The following TMEM269 variants were observed in gnomAD, a reference collection of about 807,000 sequenced individuals.
TMEM269 encodes transmembrane protein 269.
A neutral mutation model predicts 15.8 loss-of-function variants in TMEM269; 12 were observed. The ratio of observed to expected loss-of-function variants is 0.76; its 90% CI spans 0.49 to 1.23. The LOEUF (loss-of-function observed/expected upper bound fraction) is 1.23, where lower values mean the gene tolerates loss of function less well. Ranked by LOEUF, TMEM269 falls within the 50% of genes most tolerant of loss-of-function variation. TMEM269 has a pLI of 0.00. For missense variants in TMEM269, 211 were observed against 245.4 expected (o/e 0.86, Z 0.94); for synonymous variants, 93 against 99.3 (o/e 0.94, Z 0.38).
chr1:42,792,865 G>C lies in TMEM269; in HGVS notation c.102G>C (p.Arg34Ser). The change falls in exon 3 of 6, where the codon AGG becomes AGC. Residue 34 changes from arginine (R) to serine (S), a missense_variant. Coordinates refer to ENST00000637012, the MANE Select transcript of TMEM269 (RefSeq NM_001354602.2). ...LVSFLLDMAV[R>S]AMTSHINICS... ...GCTTCCTGTTAGACATGGCAGTCAGGGCAATGACCAGCCACATCAACATAT... is the reference window on the plus strand; with the variant it reads ...GCTTCCTGTTAGACATGGCAGTCAGCGCAATGACCAGCCACATCAACATAT... The C allele has an allele frequency of 6.4e-7, 1 of 1,550,478 alleles. No individual in the cohort carries two copies. Among genetic ancestry groups the C allele is most frequent in the East Asian group, 2.4e-5 (1 of 40,910 alleles).
At chr1:42,794,752 G>T in intron 5 of TMEM269, 139 bp downstream of exon 5, 1 of 674,774 alleles carries the variant, frequency 1.5e-6, no homozygotes, top group Non-Finnish European at 2.5e-6. Context: ...ATATTTACTA[G>T]TTTTCTTATT....
chr1:42,791,357 A>T (rs980180476), intron 2 of TMEM269, among the ~76,000 whole-genome samples: 4 of 152,208 alleles, frequency 2.6e-5, no homozygotes, highest in Non-Finnish European at 2.9e-5. Flanking sequence ...AACAAATTTT[A>T]AAAAAGTATA....
At chr1:42,795,774 A>G (rs1653781813) in intron 5 of TMEM269, among the ~76,000 whole-genome samples, 2 of 152,216 alleles carry the variant, frequency 1.3e-5, no homozygotes, top group East Asian at 1.9e-4. Flanking sequence ...TGTAAACAAG[A>G]CAAACATCTA....
chr1:42,792,592 GGCATGTGTATGT>G (rs1477934903), intron 2 of TMEM269, among the ~76,000 whole-genome samples: 1 of 152,126 alleles, frequency 6.6e-6, no homozygotes, highest in South Asian at 2.1e-4. Flanking sequence ...GAGGGATGTA[GGCATGTGTATGT>G]GCATGTGTGG....
intron 5 of TMEM269, 81 bp from the exon 6 acceptor site, chr1:42,798,017 G>T: frequency 6.8e-7 from 1 of 1,474,892 alleles, no homozygotes. Context: ...GAATGGGAGG[G>T]TGGGGACGGG....
chr1:42,789,071 C>T (rs369609970), intron 1 of TMEM269, among the ~76,000 whole-genome samples: 1 of 151,872 alleles, frequency 6.6e-6, no homozygotes, highest in Non-Finnish European at 1.5e-5. Flanking sequence ...TACAGGCATG[C>T]ACCGCCACAC....
At position 42,798,590 on chromosome 1, in the gene TMEM269, C is replaced by T; in HGVS notation, c.*365C>T. 4.7e-6 allele frequency: 1 copy of T among 212,162 alleles called. No individual in the cohort carries two copies. The highest frequency in any genetic ancestry group is 9.6e-6 in the Non-Finnish European group (1 of 103,698). The allele number at this position is 212,162 out of a possible 1,614,324, so 13.1% of individuals were successfully genotyped here. On this transcript the variant is annotated 3_prime_UTR_variant, in exon 6 of 6. Transcript: ENST00000637012. Reference sequence around the variant, plus strand: ...GAGAGCCTTCAGAACTGGTATTGGCCTCAGCCTCAGCCCTGCCTGGTGGGG... The same window carrying T: ...GAGAGCCTTCAGAACTGGTATTGGCTTCAGCCTCAGCCCTGCCTGGTGGGG...
chr1:42,785,792 C>T (rs1210043708), intron 1 of TMEM269, among the ~76,000 whole-genome samples: 3 of 152,224 alleles, frequency 2.0e-5, no homozygotes, highest in African/African-American at 7.2e-5. Flanking sequence ...ATTCTTTGTT[C>T]ATCCTTAGAG....
chr1:42,786,724 C>T (rs1653548317), intron 1 of TMEM269, among the ~76,000 whole-genome samples: 1 of 152,228 alleles, frequency 6.6e-6, no homozygotes, highest in Non-Finnish European at 1.5e-5. Flanking sequence ...GGGTTAGGTA[C>T]TGTGGCTAAA....
intron 1 of TMEM269, among the ~76,000 whole-genome samples, chr1:42,786,075 G>C (rs995781802): frequency 5.3e-5 from 8 of 152,218 alleles, no homozygotes; most frequent in Non-Finnish European, 7.3e-5. Flanking sequence ...ATAAGAACTG[G>C]GTAGTTGCTG....
chr1:42,798,933 C>A lies in TMEM269; in HGVS notation c.*708C>A, dbSNP rs1210306121. On this transcript the variant is annotated 3_prime_UTR_variant, in exon 6 of 6. Coordinates refer to ENST00000637012, the MANE Select transcript of TMEM269 (RefSeq NM_001354602.2). ...TAATTTTTTGTATTTTTAGTAGAGACGGGGGTTTCACCGTGTTAGCCAGGA... is the reference window on the plus strand; with the variant it reads ...TAATTTTTTGTATTTTTAGTAGAGAAGGGGGTTTCACCGTGTTAGCCAGGA... 1 of 151,152 alleles carries A rather than the reference C, an allele frequency of 6.6e-6. No homozygotes were observed. Among genetic ancestry groups the A allele is most frequent in the Non-Finnish European group, 1.5e-5 (1 of 67,832 alleles). 9.4% of individuals were successfully genotyped at this position (151,152 alleles called of 1,614,324 possible).
chr1:42,794,667 T>G, intron 5 of TMEM269, 54 bp downstream of exon 5: 1 of 1,244,568 alleles, frequency 8.0e-7, no homozygotes, highest in Admixed American at 2.0e-5. Context: ...TTATTGCCAC[T>G]GTACCTCACC....
chr1:42,787,646 C>A (rs1405876044), intron 1 of TMEM269, among the ~76,000 whole-genome samples: 1 of 149,066 alleles, frequency 6.7e-6, no homozygotes, highest in Non-Finnish European at 1.5e-5. Flanking sequence ...GAACCCTTGC[C>A]TGACAGAGCT....
chr1:42,790,393 TCTC>T (rs542392910), intron 2 of TMEM269, among the ~76,000 whole-genome samples: 128 of 152,238 alleles, frequency 8.4e-4, no homozygotes, highest in Admixed American at 2.1e-3. Flanking sequence ...GCGGGTAACA[TCTC>T]CTAATCTACT....
intron 3 of TMEM269, among the ~76,000 whole-genome samples, chr1:42,793,287 C>T (rs566241599): frequency 6.6e-5 from 10 of 152,262 alleles, no homozygotes; most frequent in Admixed American, 1.3e-4. Flanking sequence ...TAAAATGCTT[C>T]CATGTAAGAT....
At chr1:42,792,728 A>C (rs1405316396) in intron 2 of TMEM269, 77 bp from the exon 3 acceptor site, 1 of 822,158 alleles carries the variant, frequency 1.2e-6, no homozygotes, top group African/African-American at 1.7e-5. Context: ...CTAATATACT[A>C]ATGGGGGGCA....
chr1:42,787,525 G>T (rs548610083), intron 1 of TMEM269, among the ~76,000 whole-genome samples: 2 of 145,756 alleles, frequency 1.4e-5, no homozygotes, highest in South Asian at 4.5e-4. Context: ...GCGTGAACCC[G>T]GGAAGCGGAG....
intron 2 of TMEM269, among the ~76,000 whole-genome samples, chr1:42,792,426 T>C (rs1348199210): frequency 6.6e-6 from 1 of 152,142 alleles, no homozygotes; most frequent in Non-Finnish European, 1.5e-5. Flanking sequence ...GGGGTAGTGA[T>C]TTACCTAAGA....
Position 42,794,786 on chromosome 1 carries a change from C to T in TMEM269, c.484+173C>T, listed in dbSNP as rs966333263. Among the ~76,000 whole-genome samples the T allele has an allele frequency of 7.9e-5, 12 of 152,126 alleles. No individual in the cohort carries two copies. In the East Asian group the frequency reaches 2.3e-3, roughly 29 times the overall value. ...TTGTCTATAAACACTAAACCTACCC[C>T]CAATAGAGGACTCTCTTTTATTCAT... On this transcript the variant is annotated intron_variant, in intron 5 of 5. Coordinates refer to ENST00000637012, the MANE Select transcript of TMEM269 (RefSeq NM_001354602.2).
Sources: gnomAD v4.1 joint callset for allele counts (sites outside exome capture counted in the v4.1 genomes callset) on GRCh38, gnomAD v4.1.1 for gene constraint, MANE v1.5 for transcripts, NCBI Gene and HGNC (gene_info 2026-07-23, HGNC 2026-07-21) for gene names.